Variants in LYPD6 observed in about 807,000 individuals in gnomAD.
The protein encoded by LYPD6 is ly6/PLAUR domain-containing protein 6.
In LYPD6, 15 loss-of-function variants were observed where a neutral mutation model predicts 22.7. The ratio of observed to expected loss-of-function variants is 0.66; its 90% CI spans 0.44 to 1.02. The LOEUF (loss-of-function observed/expected upper bound fraction) is 1.02, where lower values mean the gene tolerates loss of function less well. Ranked by LOEUF, LYPD6 falls within the 50% of genes least tolerant of loss-of-function variation. The pLI is 0.00. For synonymous variants in LYPD6, 72 were observed against 77.5 expected, an observed-to-expected ratio of 0.93 and a Z score of 0.37; for missense variants, 189 against 208.4, an observed-to-expected ratio of 0.91 and a Z score of 0.57.
At chr2:149,367,890 T>C (rs918808248) in intron 1 of LYPD6, 62 of 152,366 alleles carry the variant, frequency 4.1e-4, no homozygotes, top group African/African-American at 1.5e-3. Context: ...ATTCTGGTTC[T>C]GGAGATTTTC....
At chr2:149,419,707 C>T (rs1232457971) in intron 1 of LYPD6, among the ~76,000 whole-genome samples, 1 of 152,148 alleles carries the variant, frequency 6.6e-6, no homozygotes, top group African/African-American at 2.4e-5. Flanking sequence ...CTTCAGATCC[C>T]TATAAGCATA....
intron 1 of LYPD6, among the ~76,000 whole-genome samples, chr2:149,409,068 G>A (rs998794340): frequency 3.3e-5 from 5 of 152,186 alleles, no homozygotes; most frequent in Admixed American, 3.3e-4. Flanking sequence ...TTCAAGGGCT[G>A]CTGTTCAGAT....
intron 1 of LYPD6, among the ~76,000 whole-genome samples, chr2:149,434,766 G>A (rs182732494): frequency 7.9e-5 from 12 of 152,182 alleles, no homozygotes; most frequent in Non-Finnish European, 1.2e-4. Context: ...GGATAATCAC[G>A]GCAAGTTCCT....
intron 1 of LYPD6, among the ~76,000 whole-genome samples, chr2:149,371,388 A>G (rs1009003025): frequency 6.6e-6 from 1 of 152,214 alleles, no homozygotes; most frequent in Non-Finnish European, 1.5e-5. Flanking sequence ...GGGATTCAAG[A>G]GAAACTTAGG....
At chr2:149,369,201 A>G (rs2105075833) in intron 1 of LYPD6, among the ~76,000 whole-genome samples, 1 of 152,232 alleles carries the variant, frequency 6.6e-6, no homozygotes, top group Middle Eastern at 3.4e-3. Flanking sequence ...GTTACAGGCC[A>G]CGGGAGCCAA....
At chr2:149,422,856 T>C (rs1239931854) in intron 1 of LYPD6, among the ~76,000 whole-genome samples, 1 of 152,142 alleles carries the variant, frequency 6.6e-6, no homozygotes, top group Non-Finnish European at 1.5e-5. Flanking sequence ...TAGAATACAA[T>C]GTTTGTCTTT....
chr2:149,482,428 G>A, the LYPD6 span, among the ~76,000 whole-genome samples: 11 of 152,138 alleles, frequency 7.2e-5, 1 homozygote, highest in Admixed American at 6.5e-4. Flanking sequence ...AGCATTTGAC[G>A]AAGAAGGTAG....
Position 149,335,955 on chromosome 2 carries a change from A to G in LYPD6, c.-72+5233A>G, listed in dbSNP as rs1177720853. ...ACTCTGTGATGTTCACACAGTGACA[A>G]AATCACCTAAGATGGCTCTCTCAGA... On this transcript the variant is annotated intron_variant, in intron 1 of 4. Transcript: ENST00000334166. Among the ~76,000 whole-genome samples the G allele has an allele frequency of 5.3e-5, 8 of 150,886 alleles. No homozygotes were observed. The Admixed American group carries it at 5.3e-4, about 10-fold the overall frequency.
At chr2:149,445,089 C>T (rs942114746) in intron 2 of LYPD6, among the ~76,000 whole-genome samples, 3 of 152,328 alleles carry the variant, frequency 2.0e-5, no homozygotes, top group African/African-American at 7.2e-5. Context: ...ATGAAAACGA[C>T]ATTAATTTCC....
chr2:149,344,592 G>A (rs1681219513), intron 1 of LYPD6, among the ~76,000 whole-genome samples: 1 of 152,052 alleles, frequency 6.6e-6, no homozygotes, highest in Non-Finnish European at 1.5e-5. Context: ...TAGAAAATGT[G>A]CGCTATTCTT....
intron 1 of LYPD6, among the ~76,000 whole-genome samples, chr2:149,373,730 G>T (rs957065510): frequency 1.3e-5 from 2 of 152,130 alleles, no homozygotes; most frequent in African/African-American, 2.4e-5. Context: ...GAAGCCACAC[G>T]GTAGTGAAAC....
intron 1 of LYPD6, among the ~76,000 whole-genome samples, chr2:149,417,273 G>C (rs1682985168): frequency 6.6e-6 from 1 of 152,160 alleles, no homozygotes; most frequent in Non-Finnish European, 1.5e-5. Context: ...CTCCCACTGG[G>C]GCTCGCCATA....
rs1279644257 is a variant in LYPD6 at position 149,472,845 on chromosome 2, GA to G, written c.*1996del. The G allele has an allele frequency of 2.0e-5, 3 of 152,714 alleles. No individual in the cohort carries two copies. The highest frequency in any genetic ancestry group is 7.2e-5 in the African/African-American group (3 of 41,570). The allele number at this position is 152,714 out of a possible 1,614,324, so 9.5% of individuals were successfully genotyped here. On this transcript the variant is annotated 3_prime_UTR_variant, in exon 5 of 5. Transcript: ENST00000334166. Reference sequence around the variant, plus strand: ...TTATGTGGGATGATGTGGGATTGAAGAGGAAAGAAAGGTGGGATTATCCCCC... The same window carrying G: ...TTATGTGGGATGATGTGGGATTGAAGGGAAAGAAAGGTGGGATTATCCCCC...
At chr2:149,434,866 A>G (rs1683395065) in intron 1 of LYPD6, among the ~76,000 whole-genome samples, 1 of 152,190 alleles carries the variant, frequency 6.6e-6, no homozygotes, top group Non-Finnish European at 1.5e-5. Context: ...TAAAATTATG[A>G]AACATCATCA....
chr2:149,386,763 T>C (rs943679502), intron 1 of LYPD6, among the ~76,000 whole-genome samples: 2 of 152,228 alleles, frequency 1.3e-5, no homozygotes, highest in East Asian at 1.9e-4. Context: ...TAGACCAAAA[T>C]GAATGTACAG....
chr2:149,350,500 G>C (rs1021680042), intron 1 of LYPD6, among the ~76,000 whole-genome samples: 22 of 152,302 alleles, frequency 1.4e-4, no homozygotes, highest in Admixed American at 1.3e-3. Context: ...AATCCTGCAG[G>C]TGTTGGCTGG....
intron 1 of LYPD6, among the ~76,000 whole-genome samples, chr2:149,371,085 G>A (rs1346285308): frequency 6.6e-6 from 1 of 152,204 alleles, no homozygotes; most frequent in Non-Finnish European, 1.5e-5. Context: ...TTTTATAAGT[G>A]AGAGGATCCC....
At chr2:149,480,558 G>A in the LYPD6 span, among the ~76,000 whole-genome samples, 1 of 152,072 alleles carries the variant, frequency 6.6e-6, no homozygotes, top group African/African-American at 2.4e-5. Context: ...TTTTCAGTTT[G>A]TCTTCCTGTG....
Position 149,405,945 on chromosome 2 carries a change from A to T in LYPD6, c.-71-31693A>T, listed in dbSNP as rs531242195. Among the ~76,000 whole-genome samples, 56 of 146,670 alleles carry T rather than the reference A, an allele frequency of 3.8e-4. No individual in the cohort carries two copies. In the South Asian group the frequency reaches 0.012, roughly 32 times the overall value. On this transcript the variant is annotated intron_variant, in intron 1 of 4. Transcript: ENST00000334166. Reference sequence around the variant, plus strand: ...TCTGGTATGTTGTGTCTTTGTTCTCATTGGTTTCAAAGAACATCTTTATTT... The same window carrying T: ...TCTGGTATGTTGTGTCTTTGTTCTCTTTGGTTTCAAAGAACATCTTTATTT...
Sources: allele counts gnomAD v4.1 joint callset (sites outside exome capture counted in the v4.1 genomes callset), GRCh38; gene constraint gnomAD v4.1.1; transcripts MANE v1.5; gene names NCBI Gene and HGNC (gene_info 2026-07-23, HGNC 2026-07-21).